Variants in CADM3 observed in about 807,000 individuals in gnomAD.
CADM3 encodes TSLC1-like 1.
Under a neutral mutation model 44.9 loss-of-function variants are expected in CADM3, and 11 were observed. The observed-to-expected ratio is 0.25, with a 90% CI of 0.15 to 0.41. CADM3 has a LOEUF of 0.41. CADM3 is among the 10% of genes least tolerant of loss of function. CADM3 has a pLI of 1.00. For synonymous variants in CADM3, 207 were observed against 205.2 expected (o/e 1.01, Z -0.08); for missense variants, 426 against 512.0 (o/e 0.83, Z 1.62).
At chr1:159,196,069 G>A in intron 5 of CADM3, 1 of 338,320 alleles carries the variant, frequency 3.0e-6, no homozygotes, top group Non-Finnish European at 5.5e-6. Context: ...TAGGAGGTTT[G>A]CTAGGCACAG....
At chr1:159,177,734 T>G (rs1649080789) in intron 1 of CADM3, among the ~76,000 whole-genome samples, 3 of 152,178 alleles carry the variant, frequency 2.0e-5, no homozygotes, top group Admixed American at 2.0e-4. Flanking sequence ...GGCAAGCAAT[T>G]CTTAGGTTAA....
At chr1:159,188,280 T>G (rs1187020576) in intron 1 of CADM3, among the ~76,000 whole-genome samples, 2 of 105,348 alleles carry the variant, frequency 1.9e-5, no homozygotes, top group Non-Finnish European at 3.9e-5. Flanking sequence ...CTCCACCCCC[T>G]CTTTATCCTG....
rs778864852 is a variant in CADM3, at chr1:159,196,469, TTCCTGGTC to T, written c.782+20_782+27del. The T allele has an allele frequency of 6.2e-7, 1 of 1,606,812 alleles. No individual in the cohort carries two copies. The highest frequency in any genetic ancestry group is 1.7e-5 in the Admixed American group (1 of 59,918). On this transcript the variant is annotated intron_variant, in intron 6 of 8. Coordinates refer to ENST00000368125, the MANE Select transcript of CADM3 (RefSeq NM_001127173.3). Reference sequence around the variant, plus strand: ...GGCAATCCAGTGTAAGAAGATCCATTTCCTGGTCTCCTCCTTACTCTCCACATTCTCAG... The same window carrying T: ...GGCAATCCAGTGTAAGAAGATCCATTTCCTCCTTACTCTCCACATTCTCAG...
At chr1:159,200,030 C>T (rs989881217) in intron 8 of CADM3, among the ~76,000 whole-genome samples, 154 bp downstream of exon 8, 2 of 152,144 alleles carry the variant, frequency 1.3e-5, no homozygotes, top group Non-Finnish European at 2.9e-5. Context: ...CCAACCCTAT[C>T]ATTGCCAACC....
intron 7 of CADM3, chr1:159,198,246 T>C (rs776684647): frequency 6.6e-6 from 1 of 152,198 alleles, no homozygotes; most frequent in Non-Finnish European, 1.5e-5. Context: ...AATGCAGTTC[T>C]ACCTAGAGAC....
intron 1 of CADM3, among the ~76,000 whole-genome samples, chr1:159,174,312 C>T (rs1035841059): frequency 6.6e-6 from 1 of 152,178 alleles, no homozygotes; most frequent in African/African-American, 2.4e-5. Context: ...TTAATGCTCA[C>T]GGACAGTAAT....
chr1:159,186,056 G>T (rs536366188), intron 1 of CADM3, among the ~76,000 whole-genome samples: 1 of 152,348 alleles, frequency 6.6e-6, no homozygotes, highest in South Asian at 2.1e-4. Flanking sequence ...GCCACAAAAT[G>T]TAGGCTTTAT....
intron 1 of CADM3, among the ~76,000 whole-genome samples, chr1:159,176,774 A>G (rs1294294538): frequency 6.6e-6 from 1 of 152,248 alleles, no homozygotes; most frequent in African/African-American, 2.4e-5. Context: ...AGAAGCTAAG[A>G]TGCTAAGAAG....
chr1:159,186,737 T>C (rs1214624645), intron 1 of CADM3, among the ~76,000 whole-genome samples: 1 of 152,146 alleles, frequency 6.6e-6, no homozygotes, highest in African/African-American at 2.4e-5. Context: ...TTCAAGCGTA[T>C]TAAGAGACAG....
intron 7 of CADM3, chr1:159,198,261 G>GC (rs1397646774): frequency 6.6e-6 from 1 of 152,166 alleles, no homozygotes; most frequent in Non-Finnish European, 1.5e-5. Context: ...AGAGACAGGG[G>GC]CCTGTAATTG....
chr1:159,191,890 A>G, intron 1 of CADM3, 46 bp from the exon 2 acceptor site: 1 of 1,610,898 alleles, frequency 6.2e-7, no homozygotes, highest in Non-Finnish European at 8.5e-7. Flanking sequence ...AAATGGGAGG[A>G]GGGGCTAGGG....
rs1226393327 is a variant in CADM3 at position 159,200,771 on chromosome 1, C to T, written c.1079-33C>T. 2.0e-6 allele frequency: 3 copies of T among 1,512,792 alleles called. No homozygotes were observed. The African/African-American group carries it at 4.2e-5, about 21-fold the overall frequency. The allele number at this position is 1,512,792 out of a possible 1,614,324, so 93.7% of individuals were successfully genotyped here. On this transcript the variant is annotated intron_variant, in intron 8 of 8. Coordinates refer to ENST00000368125, the MANE Select transcript of CADM3 (RefSeq NM_001127173.3). Reference sequence around the variant, plus strand: ...GGTGGACTCAGAGGTTGGGAAGCTGCTCCTGAGAGGAGAAGCCTCTGTCTC... The same window carrying T: ...GGTGGACTCAGAGGTTGGGAAGCTGTTCCTGAGAGGAGAAGCCTCTGTCTC...
chr1:159,183,261 G>A (rs559513295), intron 1 of CADM3, among the ~76,000 whole-genome samples: 133 of 152,182 alleles, frequency 8.7e-4, no homozygotes, highest in Non-Finnish European at 1.7e-3. Context: ...TAATACACAT[G>A]TTAGGACTTC....
At chr1:159,191,611 A>C (rs943756002) in intron 1 of CADM3, among the ~76,000 whole-genome samples, 2 of 152,350 alleles carry the variant, frequency 1.3e-5, no homozygotes, top group African/African-American at 4.8e-5. Flanking sequence ...ACCATATCAG[A>C]AAAGACACAT....
At chr1:159,200,743 C>T (rs34710501) in intron 8 of CADM3, 61 bp from the exon 9 acceptor site, 3 of 1,251,082 alleles carry the variant, frequency 2.4e-6, no homozygotes, top group Non-Finnish European at 3.3e-6. Context: ...AGAAAGTGGG[C>T]AGGGTGGACT....
Position 159,201,125 on chromosome 1 carries a change from G to C in CADM3, c.*203G>C. 1.5e-5 allele frequency: 4 copies of C among 272,404 alleles called. No homozygotes were observed. Among genetic ancestry groups the C allele is most frequent in the Non-Finnish European group, 2.1e-5 (3 of 143,436 alleles). The allele number at this position is 272,404 out of a possible 1,614,324, so 16.9% of individuals were successfully genotyped here. Reference sequence around the variant, plus strand: ...GGGAGGGAGGAGGGCGGGGGGAGGGGAGGGTTGCCCTCAGCCCTTTCCGTG... The same window carrying C: ...GGGAGGGAGGAGGGCGGGGGGAGGGCAGGGTTGCCCTCAGCCCTTTCCGTG... On this transcript the variant is annotated 3_prime_UTR_variant, in exon 9 of 9. Transcript: ENST00000368125.
intron 1 of CADM3, among the ~76,000 whole-genome samples, chr1:159,187,400 C>T (rs1207061278): frequency 6.6e-6 from 1 of 152,168 alleles, no homozygotes; most frequent in African/African-American, 2.4e-5. Context: ...GTCAAAAAAG[C>T]CCCCAAAGCA....
At chr1:159,194,105 T>G in intron 5 of CADM3, 65 bp downstream of exon 5, 1 of 1,498,732 alleles carries the variant, frequency 6.7e-7, no homozygotes, top group South Asian at 1.2e-5. Context: ...AGAAAGAGAA[T>G]GCAGGTGACT....
In CADM3 at chr1:159,183,724, C is replaced by T. The variant is rs115945067; in HGVS notation, c.89-8212C>T. Among the ~76,000 whole-genome samples, 1,065 of 152,214 alleles carry T rather than the reference C, an allele frequency of 7.0e-3. 14 individuals carry two copies. Among genetic ancestry groups the T allele is most frequent in the African/African-American group, 0.024 (1,002 of 41,526 alleles). ...AGGGTACCAGATGACAGAATAACTC[C>T]CACCCCGTATGGCTCAGCTTCTATT... On this transcript the variant is annotated intron_variant, in intron 1 of 8. Coordinates refer to ENST00000368125, the MANE Select transcript of CADM3 (RefSeq NM_001127173.3).
Sources: allele counts gnomAD v4.1 joint callset (sites outside exome capture counted in the v4.1 genomes callset), GRCh38; gene constraint gnomAD v4.1.1; transcripts MANE v1.5; gene names NCBI Gene and HGNC (gene_info 2026-07-23, HGNC 2026-07-21).